Variants in MYOCOS observed in about 807,000 individuals in gnomAD.
The protein encoded by MYOCOS is myocilin opposite strand.
chr1:171,619,802 G>A (rs12059358), upstream of MYOCOS, among the ~76,000 whole-genome samples: 63,170 of 148,070 alleles, frequency 0.43, 13,496 homozygotes, highest in East Asian at 0.5. Context: ...CTGCATTCCA[G>A]CCTAGGCAAC....
upstream of MYOCOS, among the ~76,000 whole-genome samples, chr1:171,619,085 T>G (rs1350775925): frequency 2.0e-5 from 3 of 152,250 alleles, no homozygotes; most frequent in Non-Finnish European, 4.4e-5. Flanking sequence ...TTCTAAAGTA[T>G]GCATTTTCTT....
chr1:171,615,685 T>C (rs1572203934), intron 2 of MYOCOS, among the ~76,000 whole-genome samples: 1 of 152,228 alleles, frequency 6.6e-6, no homozygotes, highest in East Asian at 1.9e-4. Context: ...TGACCACCGG[T>C]GCATGCAGCC....
upstream of MYOCOS, among the ~76,000 whole-genome samples, chr1:171,617,448 T>C (rs1311289202): frequency 3.3e-5 from 5 of 151,880 alleles, no homozygotes; most frequent in East Asian, 3.9e-4. Context: ...AGCAGAGGGG[T>C]CTGAGAAAGA....
At chr1:171,616,925 G>A (rs917755424) in intron 2 of MYOCOS, among the ~76,000 whole-genome samples, 4 of 152,192 alleles carry the variant, frequency 2.6e-5, no homozygotes, top group African/African-American at 9.7e-5. Context: ...ACTGTTGTCT[G>A]TAAAAGGTAT....
At chr1:171,621,511 G>A (rs1056047485), upstream of MYOCOS, among the ~76,000 whole-genome samples, 7 of 151,706 alleles carry the variant, frequency 4.6e-5, no homozygotes, top group Admixed American at 1.3e-4. Flanking sequence ...GAGTAGCTGG[G>A]ACTACAGGCA....
Position 171,602,881 on chromosome 1 carries a change from C to T in MYOCOS, c.-252+1801C>T, listed in dbSNP as rs145667330. Among the ~76,000 whole-genome samples the T allele has an allele frequency of 3.1e-3, 469 of 152,206 alleles. 5 individuals are homozygous for T. Among genetic ancestry groups the T allele is most frequent in the African/African-American group, 0.011 (445 of 41,526 alleles). ...TTAAAACAAACTTTGGCAATTAAGA[C>T]GGCATACCAAGATGCAAATGCCTGG... On this transcript the variant is annotated intron_variant, in intron 1 of 3. Transcript: ENST00000636697.
At chr1:171,625,008 C>T (rs1396000969) in intron 2 of MYOCOS, among the ~76,000 whole-genome samples, 1 of 152,184 alleles carries the variant, frequency 6.6e-6, no homozygotes, top group Non-Finnish European at 1.5e-5. Context: ...ATAGAAAATA[C>T]AGACTTCCAT....
At chr1:171,612,674 A>T (rs567675873) in intron 1 of MYOCOS, among the ~76,000 whole-genome samples, 1 of 151,988 alleles carries the variant, frequency 6.6e-6, no homozygotes, top group South Asian at 2.1e-4. Flanking sequence ...AAAAATACAA[A>T]AAAAAATTAG....
At chr1:171,617,444 G>A (rs972606016), upstream of MYOCOS, among the ~76,000 whole-genome samples, 1 of 152,138 alleles carries the variant, frequency 6.6e-6, no homozygotes, top group African/African-American at 2.4e-5. Flanking sequence ...AACAAGCAGA[G>A]GGGTCTGAGA....
intron 1 of MYOCOS, among the ~76,000 whole-genome samples, chr1:171,614,047 G>C (rs1652404549): frequency 6.6e-6 from 1 of 152,100 alleles, no homozygotes; most frequent in South Asian, 2.1e-4. Flanking sequence ...TCAAAATCTT[G>C]AGATAATGCA....
chr1:171,612,744 T>C (rs1339320378), intron 1 of MYOCOS, among the ~76,000 whole-genome samples: 2 of 151,984 alleles, frequency 1.3e-5, no homozygotes, highest in African/African-American at 4.8e-5. Context: ...GCAGGAGAAT[T>C]GCTTGAACCT....
intron 1 of MYOCOS, among the ~76,000 whole-genome samples, chr1:171,607,303 A>T (rs235894): frequency 0.02 from 3,106 of 152,272 alleles, 42 homozygotes; most frequent in Non-Finnish European, 0.03. Flanking sequence ...AAATATACAC[A>T]TCTAAGTCTA....
At chr1:171,622,062 C>A (rs1239364964), upstream of MYOCOS, among the ~76,000 whole-genome samples, 2 of 152,080 alleles carry the variant, frequency 1.3e-5, no homozygotes, top group Non-Finnish European at 2.9e-5. Context: ...AATTTCAGAG[C>A]TGAAACACCT....
At chr1:171,602,788 A>G (rs1652168270) in intron 1 of MYOCOS, among the ~76,000 whole-genome samples, 1 of 152,236 alleles carries the variant, frequency 6.6e-6, no homozygotes, top group African/African-American at 2.4e-5. Flanking sequence ...TCTTTGGTCT[A>G]AAAACTAATA....
At chr1:171,604,142 C>G (rs1424801895) in intron 1 of MYOCOS, 1 of 152,038 alleles carries the variant, frequency 6.6e-6, no homozygotes, top group Non-Finnish European at 1.5e-5. Context: ...CATCAGTAGA[C>G]TAGGAGCTGT....
At chr1:171,616,650 A>G (rs1027153598) in intron 2 of MYOCOS, among the ~76,000 whole-genome samples, 3 of 152,196 alleles carry the variant, frequency 2.0e-5, no homozygotes, top group Non-Finnish European at 4.4e-5. Context: ...TCGAGTTTAC[A>G]TGTTTATTGT....
chr1:171,608,409 T>TC (rs1652294016), intron 1 of MYOCOS, among the ~76,000 whole-genome samples: 1 of 28,114 alleles, frequency 3.6e-5, no homozygotes. Flanking sequence ...GGAACCAGAC[T>TC]TTTTTTTTTT....
intron 1 of MYOCOS, among the ~76,000 whole-genome samples, chr1:171,612,055 C>G (rs1313779729): frequency 1.3e-5 from 2 of 151,760 alleles, no homozygotes; most frequent in African/African-American, 4.9e-5. Flanking sequence ...GGCCCTGTAC[C>G]CTTTAGGTTT....
At chr1:171,608,936 G>T (rs10082212) in intron 1 of MYOCOS, among the ~76,000 whole-genome samples, 61,940 of 151,952 alleles carry the variant, frequency 0.41, 13,007 homozygotes, top group East Asian at 0.57. Flanking sequence ...CTCCACTATA[G>T]TTCACCTTTC....
Sources: gnomAD v4.1 joint callset for allele counts (sites outside exome capture counted in the v4.1 genomes callset) on GRCh38, gnomAD v4.1.1 for gene constraint, MANE v1.5 for transcripts, NCBI Gene and HGNC (gene_info 2026-07-23, HGNC 2026-07-21) for gene names.